FLT4: variants seen among roughly 807,000 people sequenced by gnomAD.
FLT4 encodes fms related receptor tyrosine kinase 4.
In FLT4, 30 loss-of-function variants were observed where a neutral mutation model predicts 163.2. The ratio of observed to expected loss-of-function variants is 0.18; its 90% confidence interval spans 0.14 to 0.25. FLT4 has a LOEUF of 0.25. Among genes scored for constraint, FLT4 ranks in the 10% least tolerant of loss-of-function variants. FLT4 has a pLI of 1.00. For synonymous variants in FLT4, 884 were observed against 789.5 expected, an observed-to-expected ratio of 1.12 and a Z score of -2.01; for missense variants, 1,510 against 1,863.8, an observed-to-expected ratio of 0.81 and a Z score of 3.50.
chr5:180,623,834 C>G lies in FLT4; in HGVS notation c.1548+101G>C. 2.7e-6 allele frequency: 4 copies of G among 1,499,860 alleles called. No individual in the cohort carries two copies. The highest frequency in any genetic ancestry group is 1.1e-5 in the South Asian group (1 of 88,624). The allele number at this position is 1,499,860 out of a possible 1,614,324, so 92.9% of individuals were successfully genotyped here. ...GGTCACCCGCTCTCGGCTGCTCTGC[C>G]CAGCACTCTGGAAGCCAGGTGGAAA... On this transcript the variant is annotated intron_variant, in intron 11 of 29. Transcript: ENST00000261937. This position sits in a 1 kb window ranked among gnomAD's most constrained non-coding sequence, Gnocchi z 5.8.
At chr5:180,615,004 C>T (rs1388951732) in intron 23 of FLT4, among the ~76,000 whole-genome samples, 1 of 152,158 alleles carries the variant, frequency 6.6e-6, no homozygotes, top group Non-Finnish European at 1.5e-5. Context: ...CAAGCGGGTC[C>T]ATCTCCAGGA....
At position 180,613,496 on chromosome 5, in the gene FLT4, G is replaced by A. The variant is rs1329202071; in HGVS notation, c.3332-386C>T. On this transcript the variant is annotated intron_variant, in intron 24 of 29. Coordinates refer to ENST00000261937, the MANE Select transcript of FLT4 (RefSeq NM_182925.5). ...CCTGCTGCTCCCCCCAACCCCTGCT[G>A]CTCCCCCCAACCCCTGCTGCTCCTC... The A allele has an allele frequency of 6.9e-5, 16 of 231,538 alleles. No homozygotes were observed. In the Admixed American group the frequency reaches 8.4e-4, roughly 12 times the overall value. 14.3% of individuals were successfully genotyped at this position (231,538 alleles called of 1,614,324 possible).
Position 180,608,999 on chromosome 5 carries a change from C to T in FLT4, c.3862G>A (p.Glu1288Lys), listed in dbSNP as rs775663376. 6.8e-6 allele frequency: 11 copies of T among 1,614,088 alleles called. No homozygotes were observed. Among genetic ancestry groups the T allele is most frequent in the Non-Finnish European group, 9.3e-6 (11 of 1,180,034 alleles). The change falls in exon 29 of 30, where the codon GAG becomes AAG. Residue 1288 changes from glutamate to lysine, a missense_variant. Around this residue, in one of 5 missense-constraint regions of FLT4, gnomAD observed 295 missense variants for 311.0 expected, o/e 0.95. Transcript: ENST00000261937. ...VLASEEFEQI[E>K]SRHRQESGFS... ...CCGCTTTCTTGTCTATGCCTGCTCT[C>T]TATCTGCTCAAACTCCTCCGAGGCC...
At chr5:180,647,112 C>T (rs551523300) in intron 1 of FLT4, among the ~76,000 whole-genome samples, 105 of 152,230 alleles carry the variant, frequency 6.9e-4, no homozygotes, top group Non-Finnish European at 1.3e-3. Flanking sequence ...GGGCAAACGT[C>T]CTGAGACCAG....
At chr5:180,603,874 A>G (rs1041961676) in intron 29 of FLT4, among the ~76,000 whole-genome samples, 1 of 150,648 alleles carries the variant, frequency 6.6e-6, no homozygotes, top group Non-Finnish European at 1.5e-5. Flanking sequence ...ACTGCACTCC[A>G]GCCTGGGCGA....
intron 27 of FLT4, among the ~76,000 whole-genome samples, chr5:180,610,678 C>A (rs1252929533): frequency 2.0e-5 from 3 of 152,110 alleles, no homozygotes; most frequent in Non-Finnish European, 4.4e-5. Context: ...TGGGGACTCA[C>A]CCCCAGACTA....
In FLT4 at chr5:180,630,642, C is replaced by T. The variant is rs150416750; in HGVS notation, c.313G>A (p.Asp105Asn). Residue 105 changes from aspartate (D) to asparagine (N), a missense_variant, in exon 3 of 30, where the codon GAC becomes AAC. By Grantham distance (23) the Asp-to-Asn change is conservative. Coordinates refer to ENST00000261937, the MANE Select transcript of FLT4 (RefSeq NM_182925.5). This position sits in a 1 kb window ranked among gnomAD's most constrained non-coding sequence, Gnocchi z 6.3. The part of the protein sequence containing the change: ...VLLLHEVHAN[D>N]TGSYVCYYKY... ...TAGTAGCAGACGTAGCTGCCTGTGT[C>T]GTTGGCATGTACCTCGTGCAGCAGC... 52 of 1,613,074 alleles carry T rather than the reference C, an allele frequency of 3.2e-5. No homozygotes were observed. The highest frequency in any genetic ancestry group is 3.0e-4 in the Admixed American group (18 of 60,012).
At chr5:180,639,340 C>T (rs190313301) in intron 1 of FLT4, among the ~76,000 whole-genome samples, 5 of 73,856 alleles carry the variant, frequency 6.8e-5, no homozygotes, top group African/African-American at 1.6e-4. Flanking sequence ...GATGGACAGA[C>T]AGATGAATGG....
chr5:180,613,955 G>A (rs572658082), intron 24 of FLT4, 113 bp downstream of exon 24: 211 of 798,714 alleles, frequency 2.6e-4, no homozygotes, highest in Middle Eastern at 8.9e-4. Flanking sequence ...GCTTCAGAAC[G>A]ACCTGGCACA....
chr5:180,633,727 C>A (rs1046187021), intron 1 of FLT4, among the ~76,000 whole-genome samples: 1 of 152,106 alleles, frequency 6.6e-6, no homozygotes, highest in Non-Finnish European at 1.5e-5. Flanking sequence ...ATGTGGGCAC[C>A]GGAGTGGGTG....
At position 180,602,194 on chromosome 5, in the gene FLT4, C is replaced by G. The variant is rs980783526; in HGVS notation, c.*998G>C. 8.5e-6 allele frequency: 2 copies of G among 235,698 alleles called. No individual in the cohort carries two copies. Among genetic ancestry groups the G allele is most frequent in the African/African-American group, 2.2e-5 (1 of 45,392 alleles). The allele number at this position is 235,698 out of a possible 1,614,324, so 14.6% of individuals were successfully genotyped here. On this transcript the variant is annotated 3_prime_UTR_variant, in exon 30 of 30. Transcript: ENST00000261937. ...GCTGGGTGGTCCTTTGTGCCAGCCCCGAGCCTTCCTGAGTGGATCCCACAG... is the reference window on the plus strand; with the variant it reads ...GCTGGGTGGTCCTTTGTGCCAGCCCGGAGCCTTCCTGAGTGGATCCCACAG...
chr5:180,630,841 C>T lies in FLT4; in HGVS notation c.156-42G>A. Reference sequence around the variant, plus strand: ...GTGGTCAGGTGGGCCCCAGGGCAGCCCATGGGGACTGTCCCTGAGAAGCCT... The same window carrying T: ...GTGGTCAGGTGGGCCCCAGGGCAGCTCATGGGGACTGTCCCTGAGAAGCCT... On this transcript the variant is annotated intron_variant, in intron 2 of 29. Coordinates refer to ENST00000261937, the MANE Select transcript of FLT4 (RefSeq NM_182925.5). This position sits in a 1 kb window ranked among gnomAD's most constrained non-coding sequence, Gnocchi z 6.3. The T allele has an allele frequency of 6.4e-7, 1 of 1,567,176 alleles. No individual in the cohort carries two copies. Among genetic ancestry groups the T allele is most frequent in the South Asian group, 1.1e-5 (1 of 87,670 alleles).
chr5:180,631,207 C>T (rs1367873465), intron 2 of FLT4, among the ~76,000 whole-genome samples: 1 of 152,012 alleles, frequency 6.6e-6, no homozygotes, highest in Non-Finnish European at 1.5e-5. Flanking sequence ...GGCACAGTGG[C>T]TCACGCCTGT....
At chr5:180,613,826 C>T in intron 24 of FLT4, 1 of 576,110 alleles carries the variant, frequency 1.7e-6, no homozygotes, top group Non-Finnish European at 3.2e-6. Context: ...AGGCTCAGTC[C>T]TGGCTCAGGC....
rs370198779 is a variant in FLT4, at chr5:180,619,696, G to A, written c.2616C>T (p.Ser872=). Residue 872 remains serine (S), a synonymous_variant, in exon 18 of 30, where the codon AGC becomes AGT. Transcript: ENST00000261937. Reference sequence around the variant, plus strand: ...GCATTTTCACGGCCACGGTGTCACAGCTGCTGCCCTTGTGGATGCCGAAAG... The same window carrying A: ...GCATTTTCACGGCCACGGTGTCACAACTGCTGCCCTTGTGGATGCCGAAAG... ...ASAFGIHKGS[S]CDTVAVKMLK... 3.1e-6 allele frequency: 5 copies of A among 1,612,576 alleles called. No homozygotes were observed. The African/African-American group carries it at 6.7e-5, about 22-fold the overall frequency.
intron 1 of FLT4, among the ~76,000 whole-genome samples, chr5:180,642,498 C>T (rs1016798237): frequency 5.9e-5 from 9 of 151,974 alleles, no homozygotes; most frequent in African/African-American, 1.5e-4. Flanking sequence ...GTGATGAGGC[C>T]GTGGAAGCAG....
At chr5:180,638,552 C>T (rs1289954374) in intron 1 of FLT4, among the ~76,000 whole-genome samples, 1 of 152,228 alleles carries the variant, frequency 6.6e-6, no homozygotes, top group Non-Finnish European at 1.5e-5. Flanking sequence ...GGCCTGATCA[C>T]ACTTGTGCTT....
intron 21 of FLT4, 70 bp downstream of exon 21, chr5:180,618,700 G>A (rs199584124): frequency 1.3e-5 from 19 of 1,517,148 alleles, no homozygotes; most frequent in East Asian, 1.2e-4. Context: ...ACCCCAGGCT[G>A]GGGTGCCTGA....
intron 8 of FLT4, among the ~76,000 whole-genome samples, chr5:180,626,559 G>A (rs1222823069): frequency 6.6e-6 from 1 of 152,188 alleles, no homozygotes; most frequent in Non-Finnish European, 1.5e-5. Flanking sequence ...CAAGTAGTGA[G>A]ATGACCATGT....
Sources: allele counts gnomAD v4.1 joint callset (sites outside exome capture counted in the v4.1 genomes callset), GRCh38; gene constraint gnomAD v4.1.1; regional missense constraint gnomAD v4.1.1; non-coding constraint Gnocchi (gnomAD v3.1); transcripts MANE v1.5; gene names NCBI Gene and HGNC (gene_info 2026-07-23, HGNC 2026-07-21).